Variants in TOX observed in about 807,000 individuals in gnomAD.
TOX encodes thymocyte selection-associated high mobility group box protein TOX.
A neutral mutation model predicts 53.7 loss-of-function variants in TOX; 11 were observed. The ratio of observed to expected loss-of-function variants is 0.20; its 90% confidence interval spans 0.13 to 0.34. The LOEUF (loss-of-function observed/expected upper bound fraction) is 0.34, where lower values mean the gene tolerates loss of function less well. Ranked by LOEUF, TOX falls within the 10% of genes least tolerant of loss-of-function variation. The pLI, the probability that TOX is intolerant of heterozygous loss-of-function variation, is 1.00. For synonymous variants in TOX, 225 were observed against 245.3 expected, an observed-to-expected ratio of 0.92 and a Z score of 0.77; for missense variants, 570 against 664.6, an observed-to-expected ratio of 0.86 and a Z score of 1.56.
At chr8:59,048,219 C>A (rs375848550) in intron 1 of TOX, among the ~76,000 whole-genome samples, 8 of 152,304 alleles carry the variant, frequency 5.3e-5, no homozygotes, top group Non-Finnish European at 1.2e-4. Flanking sequence ...TATATCCTGG[C>A]AGCTTTCAGT....
chr8:59,077,967 C>T (rs1454623349), intron 1 of TOX, among the ~76,000 whole-genome samples: 2 of 151,742 alleles, frequency 1.3e-5, no homozygotes, highest in Admixed American at 6.6e-5. Context: ...GGAATACGTG[C>T]GCTGTTCACA....
chr8:59,083,168 G>C (rs1479571734), intron 1 of TOX, among the ~76,000 whole-genome samples: 1 of 152,098 alleles, frequency 6.6e-6, no homozygotes, highest in Non-Finnish European at 1.5e-5. Flanking sequence ...AGGGAGGAAG[G>C]GCAGAGGAAA....
chr8:59,027,191 G>A lies in TOX; in HGVS notation c.103-67183C>T, dbSNP rs551295705. On this transcript the variant is annotated intron_variant, in intron 1 of 8. Coordinates refer to ENST00000361421, the MANE Select transcript of TOX (RefSeq NM_014729.3). ...TTATGTCCAGATTATCTAGTTCTAGGCCCTGGAACACTACTGGTTAGTAAA... is the reference window on the plus strand; with the variant it reads ...TTATGTCCAGATTATCTAGTTCTAGACCCTGGAACACTACTGGTTAGTAAA... Among the ~76,000 whole-genome samples, 4 of 152,220 alleles carry A rather than the reference G, an allele frequency of 2.6e-5. No homozygotes were observed. In the East Asian group the frequency reaches 5.8e-4, roughly 22 times the overall value.
At chr8:59,029,355 CA>C (rs1266045549) in intron 1 of TOX, among the ~76,000 whole-genome samples, 2 of 151,972 alleles carry the variant, frequency 1.3e-5, no homozygotes, top group Non-Finnish European at 2.9e-5. Context: ...TAACAAAGTG[CA>C]TAAGTAATTT....
chr8:59,031,442 C>T (rs1344418091), intron 1 of TOX, among the ~76,000 whole-genome samples: 1 of 152,160 alleles, frequency 6.6e-6, no homozygotes, highest in Non-Finnish European at 1.5e-5. Context: ...TAACTGAGCA[C>T]ACGCTATGTT....
intron 1 of TOX, among the ~76,000 whole-genome samples, chr8:59,076,295 C>T (rs1196248602): frequency 3.9e-5 from 6 of 152,122 alleles, no homozygotes; most frequent in Admixed American, 2.6e-4. Context: ...GTCCTTCAGA[C>T]GCAAAGGAAG....
intron 1 of TOX, among the ~76,000 whole-genome samples, chr8:59,042,920 C>G (rs1481869039): frequency 7.1e-6 from 1 of 141,176 alleles, no homozygotes; most frequent in Non-Finnish European, 1.6e-5. Context: ...ATATTAGTCA[C>G]CTCACATAGC....
At position 58,851,856 on chromosome 8, in the gene TOX, G is replaced by T; in HGVS notation, c.412-51C>A. 8.1e-7 allele frequency: 1 copy of T among 1,241,522 alleles called. No individual in the cohort carries two copies. The highest frequency in any genetic ancestry group is 1.0e-6 in the Non-Finnish European group (1 of 979,358). 76.9% of individuals were successfully genotyped at this position (1,241,522 alleles called of 1,614,324 possible). A position where few individuals can be genotyped will look rare whatever the true frequency, so the allele number is the denominator to read the frequency against. On this transcript the variant is annotated intron_variant, in intron 3 of 8. Transcript: ENST00000361421. This position sits in a 1 kb window ranked among gnomAD's most constrained non-coding sequence, Gnocchi z 4.4. ...ATAAATAAATAAATAAATAGGAAAG[G>T]AGTAATTTTAACAAATATGTTTTGG... is the stretch of plus-strand genomic sequence containing the variant.
rs558951516 is a variant in TOX, at chr8:59,019,837, A to G, written c.103-59829T>C. On this transcript the variant is annotated intron_variant, in intron 1 of 8. Transcript: ENST00000361421. Reference sequence around the variant, plus strand: ...TCACTCGGTGAGCAGTGTATTTCATATATTCTACAATTCGGCCATGTAACA... The same window carrying G: ...TCACTCGGTGAGCAGTGTATTTCATGTATTCTACAATTCGGCCATGTAACA... Among the ~76,000 whole-genome samples the G allele has an allele frequency of 3.9e-5, 6 of 152,326 alleles. No individual in the cohort carries two copies. In the South Asian group the frequency reaches 1.2e-3, roughly 32 times the overall value.
intron 1 of TOX, among the ~76,000 whole-genome samples, chr8:59,057,498 C>A (rs1025120218): frequency 1.3e-5 from 2 of 152,074 alleles, no homozygotes; most frequent in Non-Finnish European, 2.9e-5. Flanking sequence ...TGATTTAATC[C>A]TCACCCCAAA....
chr8:58,848,611 A>C (rs762744967), intron 4 of TOX, among the ~76,000 whole-genome samples: 10 of 152,128 alleles, frequency 6.6e-5, no homozygotes, highest in Admixed American at 1.3e-4. Context: ...TATGTGTCTT[A>C]AAGTATCTCT....
At position 58,939,411 on chromosome 8, in the gene TOX, T is replaced by C. The variant is rs769146583; in HGVS notation, c.302A>G (p.Asn101Ser). 2 of 1,614,116 alleles carry C rather than the reference T, an allele frequency of 1.2e-6. No individual in the cohort carries two copies. The highest frequency in any genetic ancestry group is 8.5e-7 in the Non-Finnish European group (1 of 1,180,026). ...SGYHSLCHPM[N>S]HNGLLPFHPQ... is the part of the protein sequence containing the mutation. ...ATGAAATGGTAGCAGGCCATTATGG[T>C]TCATGGGGTGACACAGAGAATGGTA... The change falls in exon 3 of 9, where the codon AAC (asparagine) becomes AGC (serine). Residue 101 changes from asparagine to serine, a missense_variant. This residue lies in a region of TOX where 282 missense variants were observed against 315.0 expected (regional missense o/e 0.90). Transcript: ENST00000361421.
Position 58,974,823 on chromosome 8 carries a change from T to G in TOX, c.103-14815A>C, listed in dbSNP as rs1275705636. ...AAAAACTAATTATTTGTTTGCAAGA[T>G]GCTGCATCTTCATTAAAATCATTAG... is the stretch of plus-strand genomic sequence containing the variant. On this transcript the variant is annotated intron_variant, in intron 1 of 8. Transcript: ENST00000361421. Among the ~76,000 whole-genome samples, 4 of 152,204 alleles carry G rather than the reference T, an allele frequency of 2.6e-5. No individual in the cohort carries two copies. In the East Asian group the frequency reaches 7.7e-4, roughly 29 times the overall value.
chr8:59,037,801 CAA>C lies in TOX; in HGVS notation c.103-77795_103-77794del, dbSNP rs769397049. Among the ~76,000 whole-genome samples, 374 of 98,024 alleles carry C rather than the reference CAA, an allele frequency of 3.8e-3. 2 individuals are homozygous for C. The highest frequency in any genetic ancestry group is 0.012 in the African/African-American group (337 of 27,658). The allele number at this position is 98,024 out of a possible 152,430, so 64.3% of individuals were successfully genotyped here. On this transcript the variant is annotated intron_variant, in intron 1 of 8. Transcript: ENST00000361421. ...TGGGCAACAGAGCGAGACTCCATCT[CAA>C]AAAAAAAAAAAAAAAAAAATTTGTA...
chr8:59,097,881 C>A (rs956770138), intron 1 of TOX, among the ~76,000 whole-genome samples: 4 of 152,092 alleles, frequency 2.6e-5, no homozygotes, highest in African/African-American at 7.2e-5. Context: ...ACTAGTGTGT[C>A]AAAGCATATT....
chr8:59,077,158 A>G (rs1804307015), intron 1 of TOX, among the ~76,000 whole-genome samples: 2 of 152,226 alleles, frequency 1.3e-5, no homozygotes, highest in African/African-American at 4.8e-5. Context: ...AACATCTTTG[A>G]GGAAGTTCTA....
At chr8:58,987,375 C>A (rs1299956509) in intron 1 of TOX, among the ~76,000 whole-genome samples, 1 of 152,108 alleles carries the variant, frequency 6.6e-6, no homozygotes, top group African/African-American at 2.4e-5. Context: ...AGAGAAATGG[C>A]GTGCTAGGAA....
intron 1 of TOX, among the ~76,000 whole-genome samples, chr8:58,994,865 C>T (rs769535294): frequency 1.3e-5 from 2 of 152,160 alleles, no homozygotes; most frequent in Admixed American, 6.5e-5. Flanking sequence ...GAAATGCTGA[C>T]GGCACCCTAT....
chr8:58,964,053 G>A (rs150193093), intron 1 of TOX, among the ~76,000 whole-genome samples: 18 of 152,010 alleles, frequency 1.2e-4, no homozygotes, highest in African/African-American at 4.1e-4. Context: ...ACTGATATAA[G>A]CACAGATGCC....
Sources: gnomAD v4.1 joint callset for allele counts (sites outside exome capture counted in the v4.1 genomes callset) on GRCh38, gnomAD v4.1.1 for gene constraint, gnomAD v4.1.1 regional missense constraint, Gnocchi (gnomAD v3.1) non-coding constraint, MANE v1.5 for transcripts, NCBI Gene and HGNC (gene_info 2026-07-23, HGNC 2026-07-21) for gene names.